Variants in POLG observed in about 807,000 individuals in gnomAD.
POLG encodes the protein DNA polymerase gamma, catalytic subunit, also known as DNA polymerase subunit gamma-1.
A neutral mutation model predicts 155.4 loss-of-function variants in POLG; 110 were observed. That is an observed-to-expected ratio of 0.71 (90% confidence interval 0.61 to 0.83). POLG has a LOEUF of 0.83. POLG is among the 40% of genes least tolerant of loss of function. POLG has a pLI of 0.00. For missense variants in POLG, 1,685 were observed against 1,627.5 expected, an observed-to-expected ratio of 1.04 and a Z score of -0.61; for synonymous variants, 701 against 631.5, an observed-to-expected ratio of 1.11 and a Z score of -1.65.
At chr15:89,325,082 G>GAA (rs2055463796) in intron 10 of POLG, among the ~76,000 whole-genome samples, 1 of 90,934 alleles carries the variant, frequency 1.1e-5, no homozygotes, top group African/African-American at 5.7e-5. Context: ...GTGAGTGAGT[G>GAA]AGAGAGTGAG....
intron 2 of POLG, 149 bp from the exon 3 acceptor site, chr15:89,330,425 G>A (rs942710592): frequency 1.4e-6 from 1 of 711,858 alleles, no homozygotes; most frequent in Non-Finnish European, 2.5e-6. Flanking sequence ...AACTCAAACA[G>A]CTACAGGTCA....
Position 89,326,969 on chromosome 15 carries a change from C to T in POLG, c.1528G>A (p.Ala510Thr), listed in dbSNP as rs2055529950. The T allele has an allele frequency of 3.7e-6, 6 of 1,614,258 alleles. No homozygotes were observed. Among genetic ancestry groups the T allele is most frequent in the Non-Finnish European group, 5.1e-6 (6 of 1,180,048 alleles). Reference protein sequence around the residue: ...AKKVKKEPATASKLPIEGAGA... With the variant: ...AKKVKKEPATTSKLPIEGAGA... ...GCCCCCTCGATGGGCAACTTGCTGG[C>T]TGTGGCTGGTTCCTTCTTCACCTTC... The change falls in exon 8 of 23, where the codon GCC becomes ACC. Residue 510 changes from alanine (A) to threonine (T), a missense_variant. Around this residue, in one of 3 missense-constraint regions of POLG, gnomAD observed 1,210 missense variants for 1,167.1 expected, o/e 1.04. Transcript: ENST00000268124.
intron 6 of POLG, 148 bp from the exon 7 acceptor site, chr15:89,327,497 C>T: frequency 2.7e-6 from 2 of 732,188 alleles, no homozygotes; most frequent in East Asian, 2.7e-5. Flanking sequence ...TCTACTGTTA[C>T]TCATCCCTGG....
At chr15:89,326,834 T>C in intron 8 of POLG, 78 bp downstream of exon 8, 3 of 1,610,378 alleles carry the variant, frequency 1.9e-6, no homozygotes, top group Non-Finnish European at 2.5e-6. Flanking sequence ...GAGCAATCCT[T>C]TCGAAGGACC....
chr15:89,323,967 T>G, intron 11 of POLG, 66 bp from the exon 12 acceptor site: 1 of 1,533,470 alleles, frequency 6.5e-7, no homozygotes, highest in Non-Finnish European at 9.0e-7. Context: ...CACCAGCCCC[T>G]CCCTGCATGG....
At position 89,325,093 on chromosome 15, in the gene POLG, TGAGTGAGAGAGTGA is replaced by T. The variant is rs1395373799; in HGVS notation, c.1949+343_1949+356del. 3.1e-3 allele frequency among the ~76,000 whole-genome samples: 131 copies of T among 42,306 alleles called. 15 individuals are homozygous for T. The highest frequency in any genetic ancestry group is 7.5e-3 in the African/African-American group (66 of 8,804). The allele number at this position is 42,306 out of a possible 152,430, so 27.8% of individuals were successfully genotyped here. ...GTGAGTGAGTGAGTGAGAGAGTGAG[TGAGTGAGAGAGTGA>T]GAGAGAGTGAGTGAGTGAGTGAGAG... is the stretch of plus-strand genomic sequence containing the variant. On this transcript the variant is annotated intron_variant, in intron 10 of 22. Coordinates refer to ENST00000268124, the MANE Select transcript of POLG (RefSeq NM_002693.3).
chr15:89,325,315 T>TGTG, intron 10 of POLG, 135 bp downstream of exon 10: 4 of 690,390 alleles, frequency 5.8e-6, no homozygotes, highest in East Asian at 2.5e-5. Context: ...TGTGTGTGTG[T>TGTG]TAATTTTTTT....
intron 1 of POLG, chr15:89,334,422 AGGGTGGGCCGCCG>A (rs1284233393): frequency 3.3e-5 from 5 of 151,464 alleles, no homozygotes; most frequent in African/African-American, 1.2e-4. Flanking sequence ...TCGAACCCGC[AGGGTGGGCCGCCG>A]TCCCCCGGGA....
Position 89,327,392 on chromosome 15 carries a change from G to A in POLG, c.1251-43C>T, listed in dbSNP as rs2307444. ...GGAGCTGCCATAAATGACCACAGGA[G>A]GCAAGACTGGCCCAATCCCTGAGCT... On this transcript the variant is annotated intron_variant, in intron 6 of 22. Transcript: ENST00000268124. 6,463 of 1,579,868 alleles carry A rather than the reference G, an allele frequency of 4.1e-3. 228 individuals carry two copies. The African/African-American group carries it at 0.079, about 19-fold the overall frequency.
intron 3 of POLG, 54 bp from the exon 4 acceptor site, chr15:89,329,164 G>A (rs369363516): frequency 4.2e-5 from 63 of 1,494,594 alleles, no homozygotes; most frequent in East Asian, 3.1e-4. Context: ...CAACTGTGGG[G>A]CCAGCCCACC....
In POLG at chr15:89,334,695, G is replaced by C. The variant is rs1387167158; in HGVS notation, c.-182C>G. On this transcript the variant is annotated 5_prime_UTR_variant, in exon 1 of 23. Coordinates refer to ENST00000268124, the MANE Select transcript of POLG (RefSeq NM_002693.3). Reference sequence around the variant, plus strand: ...AACCTCGGTCCTCACGGTGCTTCCCGGTCTGCTGCTCCCCCGACCCCAGGC... The same window carrying C: ...AACCTCGGTCCTCACGGTGCTTCCCCGTCTGCTGCTCCCCCGACCCCAGGC... The C allele has an allele frequency of 1.3e-5, 2 of 152,380 alleles. No homozygotes were observed. Among genetic ancestry groups the C allele is most frequent in the Non-Finnish European group, 2.9e-5 (2 of 68,186 alleles). 9.4% of individuals were successfully genotyped at this position (152,380 alleles called of 1,614,324 possible). A position where few individuals can be genotyped will look rare whatever the true frequency, so the allele number is the denominator to read the frequency against.
At chr15:89,323,678 G>A (rs1269736579) in intron 12 of POLG, 137 bp downstream of exon 12, 3 of 844,032 alleles carry the variant, frequency 3.6e-6, no homozygotes, top group Admixed American at 3.6e-5. Flanking sequence ...AACACGTGTG[G>A]GGCCTCCCAG....
rs200759978 is a variant in POLG at position 89,319,024 on chromosome 15, C to T, written c.3180G>A (p.Lys1060=). The change falls in exon 20 of 23, where the codon AAG becomes AAA. Residue 1060 remains lysine (K), a synonymous_variant. Coordinates refer to ENST00000268124, the MANE Select transcript of POLG (RefSeq NM_002693.3). ...TGTCAGACGTAGCAATGCTCTCAAG[C>T]TTATTGAACATTTCTGACTCTGTGC... ...KGGTESEMFN[K]LESIATSDIP... is the part of the protein sequence containing the mutation. 1.2e-6 allele frequency: 2 copies of T among 1,614,166 alleles called. No homozygotes were observed. Among genetic ancestry groups the T allele is most frequent in the East Asian group, 2.2e-5 (1 of 44,886 alleles).
intron 18 of POLG, among the ~76,000 whole-genome samples, chr15:89,319,915 C>T (rs961593286): frequency 5.3e-5 from 8 of 152,166 alleles, no homozygotes; most frequent in Non-Finnish European, 8.8e-5. Context: ...ACACGTCACT[C>T]GCATAAATGG....
At position 89,327,072 on chromosome 15, in the gene POLG, C is replaced by T. The variant is rs371743135; in HGVS notation, c.1434-9G>A. The T allele has an allele frequency of 6.2e-7, 1 of 1,614,248 alleles. No individual in the cohort carries two copies. Among genetic ancestry groups the T allele is most frequent in the Non-Finnish European group, 8.5e-7 (1 of 1,180,030 alleles). On this transcript the variant is annotated splice_polypyrimidine_tract_variant and intron_variant, in intron 7 of 22. Transcript: ENST00000268124. The stretch of plus-strand genomic sequence containing the variant: ...AGGGGTCTTCTTTGTACCTACAGAG[C>T]CAGTCCACTAGGGCAGGGCTAAGGC...
In POLG at chr15:89,319,084, C is replaced by T. The variant is rs754039113; in HGVS notation, c.3120G>A (p.Lys1040=). 1 of 1,614,182 alleles carries T rather than the reference C, an allele frequency of 6.2e-7. No homozygotes were observed. ...RETARKSQWK[K]WEVVAERAWK... The stretch of plus-strand genomic sequence containing the variant: ...ATGCCCGTTCAGCAACCACCTCCCA[C>T]TTCTTCCACTGTGACCTAAGGGACC... The change falls in exon 20 of 23, where the codon AAG becomes AAA. Residue 1040 remains lysine, a synonymous_variant. Coordinates refer to ENST00000268124, the MANE Select transcript of POLG (RefSeq NM_002693.3).
At chr15:89,319,533 T>C (rs756800013) in intron 18 of POLG, 183 bp from the exon 19 acceptor site, 20 of 788,104 alleles carry the variant, frequency 2.5e-5, no homozygotes, top group Non-Finnish European at 3.9e-5. Context: ...CCTAGGATCA[T>C]GGAGCTAGAA....
intron 14 of POLG, 59 bp downstream of exon 14, chr15:89,322,683 G>A: frequency 6.4e-7 from 1 of 1,558,304 alleles, no homozygotes; most frequent in Non-Finnish European, 8.8e-7. Flanking sequence ...GTTAGTCAGG[G>A]GTCCCTGGGT....
Position 89,321,019 on chromosome 15 carries a change from G to A in POLG, c.2735-7C>T. On this transcript the variant is annotated splice_region_variant and splice_polypyrimidine_tract_variant and intron_variant, in intron 17 of 22. Coordinates refer to ENST00000268124, the MANE Select transcript of POLG (RefSeq NM_002693.3). ...CACCCAAAGGCTGTGCAGCCTGGAA[G>A]ACAAGCAGGAGTGAGAAAAGCAGCT... 6.2e-7 allele frequency: 1 copy of A among 1,614,124 alleles called. No individual in the cohort carries two copies. Among genetic ancestry groups the A allele is most frequent in the Non-Finnish European group, 8.5e-7 (1 of 1,180,046 alleles).
Sources: allele counts gnomAD v4.1 joint callset (sites outside exome capture counted in the v4.1 genomes callset), GRCh38; gene constraint gnomAD v4.1.1; regional missense constraint gnomAD v4.1.1; transcripts MANE v1.5; gene names NCBI Gene and HGNC (gene_info 2026-07-23, HGNC 2026-07-21).